Variants in LYRM4 observed in about 807,000 individuals in gnomAD.
LYRM4 encodes LYR motif-containing protein 4.
Under a neutral mutation model 11.7 loss-of-function variants are expected in LYRM4, and 9 were observed. The ratio of observed to expected loss-of-function variants is 0.77; its 90% CI spans 0.46 to 1.34. LYRM4 has a LOEUF of 1.34. Among genes scored for constraint, LYRM4 ranks in the 40% most tolerant of loss-of-function variants. The probability of loss-of-function intolerance (pLI) is 0.00; values close to 1 mark genes in which losing one functional copy is unlikely to be tolerated. For missense variants in LYRM4, 133 were observed against 112.5 expected, an observed-to-expected ratio of 1.18 and a Z score of -0.82; for synonymous variants, 42 against 40.4, an observed-to-expected ratio of 1.04 and a Z score of -0.15.
At chr6:5,105,296 G>C (rs1282179601), downstream of LYRM4, 1 of 152,406 alleles carries the variant, frequency 6.6e-6, no homozygotes, top group Non-Finnish European at 1.5e-5. Context: ...TGCTCAGCTG[G>C]GGCAGCTCTG....
chr6:5,148,996 G>A (rs1265873308), intron 2 of LYRM4, among the ~76,000 whole-genome samples: 1 of 152,070 alleles, frequency 6.6e-6, no homozygotes, highest in African/African-American at 2.4e-5. Flanking sequence ...TTTTAAAACT[G>A]TACTTTAAAC....
At chr6:5,219,629 G>T (rs1413722766) in intron 1 of LYRM4, among the ~76,000 whole-genome samples, 1 of 151,782 alleles carries the variant, frequency 6.6e-6, no homozygotes, top group Admixed American at 6.6e-5. Flanking sequence ...AAATCTGAGT[G>T]AATCTTCAAA....
chr6:5,064,783 T>C, the LYRM4 span, among the ~76,000 whole-genome samples: 2 of 152,180 alleles, frequency 1.3e-5, no homozygotes, highest in Non-Finnish European at 2.9e-5. Flanking sequence ...GTACACAAAG[T>C]GTAGTGATCA....
At chr6:5,228,369 C>T in intron 1 of LYRM4, among the ~76,000 whole-genome samples, 1 of 152,072 alleles carries the variant, frequency 6.6e-6, no homozygotes, top group East Asian at 1.9e-4. Flanking sequence ...CTTCACCTCC[C>T]TGGTTCAAGT....
chr6:5,174,786 G>A (rs1759625987), intron 2 of LYRM4, among the ~76,000 whole-genome samples: 1 of 152,150 alleles, frequency 6.6e-6, no homozygotes, highest in South Asian at 2.1e-4. Context: ...TTGAACAGAT[G>A]TTGTCATGCT....
chr6:5,047,931 C>T, the LYRM4 span, among the ~76,000 whole-genome samples: 5 of 152,174 alleles, frequency 3.3e-5, no homozygotes, highest in African/African-American at 1.2e-4. Context: ...CCCAGGTCTG[C>T]TTCCTCCACC....
chr6:5,075,302 G>T, the LYRM4 span, among the ~76,000 whole-genome samples: 1 of 152,220 alleles, frequency 6.6e-6, no homozygotes, highest in African/African-American at 2.4e-5. Context: ...AAAACAGGTA[G>T]AAGTATGACT....
intron 1 of LYRM4, among the ~76,000 whole-genome samples, chr6:5,255,958 T>G (rs1764644574): frequency 6.6e-6 from 1 of 152,108 alleles, no homozygotes; most frequent in Non-Finnish European, 1.5e-5. Flanking sequence ...TAATTCCACT[T>G]ATCAAGTACC....
At chr6:5,065,632 T>C in the LYRM4 span, among the ~76,000 whole-genome samples, 2 of 152,240 alleles carry the variant, frequency 1.3e-5, no homozygotes, top group Non-Finnish European at 2.9e-5. Flanking sequence ...CACTGTTTCA[T>C]CCAATATGCC....
chr6:5,208,976 G>A (rs997794101), intron 2 of LYRM4, among the ~76,000 whole-genome samples: 1 of 152,088 alleles, frequency 6.6e-6, no homozygotes, highest in African/African-American at 2.4e-5. Flanking sequence ...GTTCACTTAG[G>A]GGGCAGTTCT....
At chr6:5,069,856 G>A in the LYRM4 span, among the ~76,000 whole-genome samples, 1 of 152,146 alleles carries the variant, frequency 6.6e-6, no homozygotes, top group Non-Finnish European at 1.5e-5. Flanking sequence ...ACTCCCCAAG[G>A]GCAAGGATTT....
In LYRM4 at chr6:5,218,535, A is replaced by G. The variant is rs1229092471; in HGVS notation, c.87-1797T>C. The G allele has an allele frequency of 9.9e-5, 22 of 221,328 alleles. No individual in the cohort carries two copies. The Admixed American group carries it at 1.4e-3, about 14-fold the overall frequency. 13.7% of individuals were successfully genotyped at this position (221,328 alleles called of 1,614,324 possible). ...TAAAACTAAATCTTATGATACTAGG[A>G]ATCATAAAGGAGAAGGGAAGAGTTT... On this transcript the variant is annotated intron_variant, in intron 1 of 2. Transcript: ENST00000330636.
chr6:5,039,148 G>T, the LYRM4 span, among the ~76,000 whole-genome samples: 1 of 151,726 alleles, frequency 6.6e-6, no homozygotes, highest in Non-Finnish European at 1.5e-5. Context: ...TAAATGAGTT[G>T]TTGCTTTAAA....
chr6:5,224,479 T>C (rs1230145188), intron 1 of LYRM4, among the ~76,000 whole-genome samples: 1 of 152,242 alleles, frequency 6.6e-6, no homozygotes, highest in Admixed American at 6.5e-5. Context: ...GGATGGATAC[T>C]GATGTTCTTA....
At chr6:5,046,758 C>T in the LYRM4 span, among the ~76,000 whole-genome samples, 139 of 152,288 alleles carry the variant, frequency 9.1e-4, no homozygotes, top group Admixed American at 2.1e-3. Context: ...TCTGAGATTT[C>T]ACACCAAGAT....
chr6:5,096,689 T>A, the LYRM4 span, among the ~76,000 whole-genome samples: 1 of 152,318 alleles, frequency 6.6e-6, no homozygotes, highest in South Asian at 2.1e-4. Context: ...TGAGTGAGTT[T>A]TCATGCTTGC....
At chr6:5,155,814 A>G (rs1295215526) in intron 2 of LYRM4, among the ~76,000 whole-genome samples, 1 of 152,196 alleles carries the variant, frequency 6.6e-6, no homozygotes. Context: ...GCAAAGGAAA[A>G]AGCAAAGGTC....
chr6:5,082,224 T>C, the LYRM4 span, among the ~76,000 whole-genome samples: 1 of 152,060 alleles, frequency 6.6e-6, no homozygotes, highest in South Asian at 2.1e-4. Flanking sequence ...GTGGGGGCCG[T>C]CTTGTGGGAC....
At chr6:5,207,618 T>C (rs1274813241) in intron 2 of LYRM4, among the ~76,000 whole-genome samples, 1 of 152,222 alleles carries the variant, frequency 6.6e-6, no homozygotes, top group Non-Finnish European at 1.5e-5. Flanking sequence ...GGTACTTCAG[T>C]GATAGCTTGT....
Sources: allele counts gnomAD v4.1 joint callset (sites outside exome capture counted in the v4.1 genomes callset), GRCh38; gene constraint gnomAD v4.1.1; transcripts MANE v1.5; gene names NCBI Gene and HGNC (gene_info 2026-07-23, HGNC 2026-07-21).